DRC11: variants seen among roughly 807,000 people sequenced by gnomAD.
The protein encoded by DRC11 is IQ and AAA domain-containing protein 1.
At chr2:236,363,588 C>G in the DRC11 span, among the ~76,000 whole-genome samples, 1 of 152,104 alleles carries the variant, frequency 6.6e-6, no homozygotes, top group Non-Finnish European at 1.5e-5. The surrounding 1 kb of genome is among the most constrained non-coding windows in gnomAD (Gnocchi z 5.6). Context: ...CAGTAGGGTG[C>G]TTACGGAAAG....
At chr2:236,464,085 A>T in the DRC11 span, among the ~76,000 whole-genome samples, 9 of 152,186 alleles carry the variant, frequency 5.9e-5, no homozygotes, top group Non-Finnish European at 1.2e-4. Context: ...GGAGAAGGCA[A>T]ATGAGAGAGC....
chr2:236,335,373 G>C, the DRC11 span, among the ~76,000 whole-genome samples: 6,751 of 152,252 alleles, frequency 0.044, 479 homozygotes, highest in African/African-American at 0.15. The surrounding 1 kb of genome is among the most constrained non-coding windows in gnomAD (Gnocchi z 5.6). Context: ...ATGGCGGCCT[G>C]AACACATCAC....
At chr2:236,505,223 C>G in the DRC11 span, among the ~76,000 whole-genome samples, 1 of 152,182 alleles carries the variant, frequency 6.6e-6, no homozygotes, top group African/African-American at 2.4e-5. Context: ...ATTTCTACAG[C>G]TTGGCAGTTT....
chr2:236,496,937 G>A, the DRC11 span, among the ~76,000 whole-genome samples: 3 of 152,240 alleles, frequency 2.0e-5, no homozygotes, highest in Admixed American at 2.0e-4. This position sits in a 1 kb window ranked among gnomAD's most constrained non-coding sequence, Gnocchi z 6.3. Context: ...CCACGACAGT[G>A]CCTAACACAG....
At chr2:236,354,228 G>A in the DRC11 span, among the ~76,000 whole-genome samples, 6 of 148,406 alleles carry the variant, frequency 4.0e-5, no homozygotes, top group South Asian at 2.1e-4. Context: ...GTGCATGTGC[G>A]TATGTTAGTA....
At chr2:236,399,601 C>T in the DRC11 span, 10 of 833,406 alleles carry the variant, frequency 1.2e-5, no homozygotes, top group Middle Eastern at 2.2e-4. This position sits in a 1 kb window ranked among gnomAD's most constrained non-coding sequence, Gnocchi z 7.0. Flanking sequence ...GTCCTGGTCC[C>T]CCTGGGCAGT....
chr2:236,394,394 A>G, the DRC11 span, among the ~76,000 whole-genome samples: 1 of 152,138 alleles, frequency 6.6e-6, no homozygotes, highest in Admixed American at 6.5e-5. This position sits in a 1 kb window ranked among gnomAD's most constrained non-coding sequence, Gnocchi z 7.0. Context: ...GCACTCTGGG[A>G]GGCCGAGGTG....
the DRC11 span, among the ~76,000 whole-genome samples, chr2:236,414,952 A>T: frequency 6.6e-6 from 1 of 152,200 alleles, no homozygotes; most frequent in Non-Finnish European, 1.5e-5. Context: ...AGAAACACTG[A>T]TTCATTGTGA....
At chr2:236,307,769 A>G in the DRC11 span, among the ~76,000 whole-genome samples, 1 of 151,904 alleles carries the variant, frequency 6.6e-6, no homozygotes, top group African/African-American at 2.4e-5. This position sits in a 1 kb window ranked among gnomAD's most constrained non-coding sequence, Gnocchi z 7.0. Context: ...CATTTTCTCT[A>G]CTCTCAATGT....
At chr2:236,470,934 T>C in the DRC11 span, among the ~76,000 whole-genome samples, 3 of 152,362 alleles carry the variant, frequency 2.0e-5, no homozygotes, top group Non-Finnish European at 4.4e-5. The surrounding 1 kb of genome is among the most constrained non-coding windows in gnomAD (Gnocchi z 5.1). Context: ...ATAAGAGGTC[T>C]AGTTGTGCTT....
chr2:236,367,203 T>C, the DRC11 span, among the ~76,000 whole-genome samples: 2 of 149,768 alleles, frequency 1.3e-5, no homozygotes, highest in African/African-American at 2.4e-5. The surrounding 1 kb of genome is among the most constrained non-coding windows in gnomAD (Gnocchi z 4.8). Context: ...TTGACACTTA[T>C]ACATTTATTC....
At chr2:236,392,023 C>T in the DRC11 span, 18 of 1,614,000 alleles carry the variant, frequency 1.1e-5, no homozygotes, top group Non-Finnish European at 1.5e-5. The surrounding 1 kb of genome is among the most constrained non-coding windows in gnomAD (Gnocchi z 5.1). Context: ...CTTTCTCTGT[C>T]CACAGCTAGC....
At chr2:236,397,197 T>C in the DRC11 span, among the ~76,000 whole-genome samples, 222 of 152,364 alleles carry the variant, frequency 1.5e-3, no homozygotes, top group African/African-American at 5.3e-3. The surrounding 1 kb of genome is among the most constrained non-coding windows in gnomAD (Gnocchi z 5.0). Flanking sequence ...CTATATAACA[T>C]GCTCATATGC....
At chr2:236,483,859 T>A in the DRC11 span, among the ~76,000 whole-genome samples, 1 of 152,234 alleles carries the variant, frequency 6.6e-6, no homozygotes, top group African/African-American at 2.4e-5. This position sits in a 1 kb window ranked among gnomAD's most constrained non-coding sequence, Gnocchi z 4.8. Flanking sequence ...ACCTTTTAAT[T>A]TATTTTAAAT....
At chr2:236,437,607 T>C in the DRC11 span, among the ~76,000 whole-genome samples, 2 of 150,074 alleles carry the variant, frequency 1.3e-5, no homozygotes, top group African/African-American at 4.9e-5. Flanking sequence ...GCACCTGTTG[T>C]TGCCTGACTT....
chr2:236,499,038 AG>A, the DRC11 span, among the ~76,000 whole-genome samples: 1 of 152,114 alleles, frequency 6.6e-6, no homozygotes, highest in African/African-American at 2.4e-5. This position sits in a 1 kb window ranked among gnomAD's most constrained non-coding sequence, Gnocchi z 4.7. Context: ...TGCTAAGGGG[AG>A]GGGGCAGCCC....
the DRC11 span, chr2:236,368,095 G>A: frequency 1.3e-6 from 1 of 763,870 alleles, no homozygotes; most frequent in South Asian, 1.5e-5. Context: ...AAGTTAAGGA[G>A]CACTGTACTT....
chr2:236,317,299 G>GAA, the DRC11 span, among the ~76,000 whole-genome samples: 1 of 139,906 alleles, frequency 7.1e-6, no homozygotes, highest in Admixed American at 7.2e-5. This position sits in a 1 kb window ranked among gnomAD's most constrained non-coding sequence, Gnocchi z 5.4. Flanking sequence ...CATATCGGGG[G>GAA]AAAAAAAAAA....
chr2:236,395,484 G>T, the DRC11 span, among the ~76,000 whole-genome samples: 1 of 152,224 alleles, frequency 6.6e-6, no homozygotes, highest in Non-Finnish European at 1.5e-5. Flanking sequence ...CACTCCCTTA[G>T]ATTTTGTGGT....
Sources: allele counts gnomAD v4.1 joint callset (sites outside exome capture counted in the v4.1 genomes callset), GRCh38; gene constraint gnomAD v4.1.1; non-coding constraint Gnocchi (gnomAD v3.1); transcripts MANE v1.5; gene names NCBI Gene and HGNC (gene_info 2026-07-23, HGNC 2026-07-21).